Variants in HSF2BP observed in about 807,000 individuals in gnomAD.
HSF2BP encodes heat shock factor 2-binding protein.
HSF2BP carries 35 observed loss-of-function variants against 35.0 expected under a neutral mutation model. The ratio of observed to expected loss-of-function variants is 1.00; its 90% CI spans 0.76 to 1.32. The LOEUF (loss-of-function observed/expected upper bound fraction) is 1.32. Among genes scored for constraint, HSF2BP ranks in the 40% most tolerant of loss-of-function variants. HSF2BP has a pLI of 0.00. For synonymous variants in HSF2BP, 114 were observed against 117.4 expected (o/e 0.97, Z 0.18); for missense variants, 326 against 321.7 (o/e 1.01, Z -0.10).
At chr21:43,604,324 CCA>C (rs777015460) in intron 7 of HSF2BP, among the ~76,000 whole-genome samples, 76 of 135,546 alleles carry the variant, frequency 5.6e-4, no homozygotes, top group African/African-American at 1.1e-3. Flanking sequence ...CACAAACACA[CCA>C]CACACACACA....
At chr21:43,576,676 G>A (rs17004580) in intron 8 of HSF2BP, among the ~76,000 whole-genome samples, 2 of 152,074 alleles carry the variant, frequency 1.3e-5, no homozygotes, top group African/African-American at 4.8e-5. Flanking sequence ...CTACAAATAC[G>A]CTGCAAAATC....
intron 7 of HSF2BP, among the ~76,000 whole-genome samples, chr21:43,598,190 G>GT (rs995310399): frequency 1.6e-4 from 24 of 150,012 alleles, no homozygotes; most frequent in South Asian, 4.2e-4. Flanking sequence ...CTTTTTTTTT[G>GT]TTTTTTTGTT....
At chr21:43,593,990 C>A (rs1221022046) in intron 7 of HSF2BP, among the ~76,000 whole-genome samples, 1 of 152,122 alleles carries the variant, frequency 6.6e-6, no homozygotes, top group Non-Finnish European at 1.5e-5. Context: ...CTACACACAT[C>A]ACAATCAAAC....
chr21:43,654,875 T>C (rs545467396), intron 3 of HSF2BP, among the ~76,000 whole-genome samples: 13 of 152,232 alleles, frequency 8.5e-5, no homozygotes, highest in African/African-American at 2.6e-4. Context: ...TCAAGCCCTA[T>C]TGGAAGGCTG....
intron 3 of HSF2BP, among the ~76,000 whole-genome samples, chr21:43,653,943 C>T (rs981778499): frequency 6.6e-6 from 1 of 152,018 alleles, no homozygotes; most frequent in African/African-American, 2.4e-5. Flanking sequence ...GGTGTTGGTG[C>T]TCTGGGGAGA....
At chr21:43,643,202 A>T (rs2082662265) in intron 4 of HSF2BP, among the ~76,000 whole-genome samples, 1 of 152,204 alleles carries the variant, frequency 6.6e-6, no homozygotes, top group African/African-American at 2.4e-5. Flanking sequence ...AATAATCCCC[A>T]AATTAATTAC....
chr21:43,592,390 T>C (rs1261035782), intron 7 of HSF2BP, 62 bp from the exon 8 acceptor site: 5 of 1,054,472 alleles, frequency 4.7e-6, no homozygotes, highest in African/African-American at 3.1e-5. Context: ...ACCCTAAACA[T>C]ACCTACTAGT....
intron 5 of HSF2BP, among the ~76,000 whole-genome samples, chr21:43,631,883 C>CCA (rs1397164689): frequency 3.3e-5 from 5 of 151,486 alleles, no homozygotes; most frequent in Admixed American, 2.6e-4. Flanking sequence ...GTGCACGCTC[C>CCA]CACACACACA....
the HSF2BP span, among the ~76,000 whole-genome samples, chr21:43,499,915 G>A: frequency 6.1e-4 from 63 of 102,604 alleles, 20 homozygotes; most frequent in African/African-American, 2.9e-3. Context: ...TATACCACAC[G>A]TGATCACACT....
intron 2 of HSF2BP, among the ~76,000 whole-genome samples, chr21:43,657,473 G>C (rs1330357939): frequency 6.6e-6 from 1 of 152,194 alleles, no homozygotes; most frequent in African/African-American, 2.4e-5. Context: ...GTTTCCTACT[G>C]GGTTTGCCAA....
At chr21:43,605,367 A>AC (rs946800293) in intron 7 of HSF2BP, among the ~76,000 whole-genome samples, 1 of 106,526 alleles carries the variant, frequency 9.4e-6, no homozygotes, top group Non-Finnish European at 1.9e-5. Flanking sequence ...CACATCACCC[A>AC]CCCCCCGACA....
At chr21:43,580,155 C>A (rs1281724347) in intron 8 of HSF2BP, among the ~76,000 whole-genome samples, 3 of 152,226 alleles carry the variant, frequency 2.0e-5, no homozygotes, top group African/African-American at 7.2e-5. Flanking sequence ...AAACCCATGT[C>A]ACTAGCAAGT....
intron 7 of HSF2BP, among the ~76,000 whole-genome samples, chr21:43,604,434 C>T: frequency 7.4e-6 from 1 of 135,076 alleles, no homozygotes. Context: ...CACCACACCA[C>T]ACACACACCA....
At chr21:43,656,829 T>C (rs1465486436) in intron 2 of HSF2BP, 92 bp from the exon 3 acceptor site, 1 of 994,430 alleles carries the variant, frequency 1.0e-6, no homozygotes, top group Non-Finnish European at 1.5e-6. Flanking sequence ...ACACCTCTTA[T>C]GTGCATCGTT....
intron 3 of HSF2BP, among the ~76,000 whole-genome samples, chr21:43,653,210 G>T (rs994967946): frequency 7.5e-6 from 1 of 134,108 alleles, no homozygotes; most frequent in African/African-American, 2.8e-5. Flanking sequence ...GGGAAGGGAA[G>T]GGAAGGGGAA....
intron 4 of HSF2BP, among the ~76,000 whole-genome samples, chr21:43,642,771 G>T (rs1257869704): frequency 6.6e-6 from 1 of 150,428 alleles, no homozygotes; most frequent in Non-Finnish European, 1.5e-5. Context: ...TTCTCAGTAT[G>T]CATTTACTGG....
intron 3 of HSF2BP, among the ~76,000 whole-genome samples, chr21:43,647,908 G>A (rs935352745): frequency 1.5e-5 from 2 of 133,180 alleles, no homozygotes; most frequent in African/African-American, 2.8e-5. Flanking sequence ...CAGCCTGGGC[G>A]ACAGAGCAAG....
chr21:43,622,391 T>A (rs1460552821), intron 6 of HSF2BP, among the ~76,000 whole-genome samples: 2 of 152,024 alleles, frequency 1.3e-5, no homozygotes, highest in Non-Finnish European at 2.9e-5. Context: ...AGTGGCTGAA[T>A]GGAAAGAAAC....
chr21:43,583,916 GA>G, intron 8 of HSF2BP, among the ~76,000 whole-genome samples: 1 of 133,904 alleles, frequency 7.5e-6, no homozygotes, highest in Admixed American at 7.4e-5. Context: ...TGAGGGAGAT[GA>G]AGGGCCTGCT....
Sources: gnomAD v4.1 joint callset for allele counts (sites outside exome capture counted in the v4.1 genomes callset) on GRCh38, gnomAD v4.1.1 for gene constraint, MANE v1.5 for transcripts, NCBI Gene and HGNC (gene_info 2026-07-23, HGNC 2026-07-21) for gene names.